The following SOX5 variants were observed in gnomAD, a reference collection of about 807,000 sequenced individuals.
SOX5 encodes the protein SRY-box transcription factor 5.
SOX5 carries 9 observed loss-of-function variants against 92.0 expected under a neutral mutation model. That is an observed-to-expected ratio of 0.10 (90% CI 0.06 to 0.17). The LOEUF (loss-of-function observed/expected upper bound fraction) is 0.17, where lower values mean the gene tolerates loss of function less well. Among genes scored for constraint, SOX5 ranks in the 10% least tolerant of loss-of-function variants. The pLI, the probability that SOX5 is intolerant of heterozygous loss-of-function variation, is 1.00. For missense variants in SOX5, 642 were observed against 944.5 expected, an observed-to-expected ratio of 0.68 and a Z score of 4.20; for synonymous variants, 344 against 336.3, an observed-to-expected ratio of 1.02 and a Z score of -0.25.
intron 7 of SOX5, among the ~76,000 whole-genome samples, chr12:23,642,646 G>A (rs148403868): frequency 1.3e-5 from 2 of 152,254 alleles, no homozygotes; most frequent in African/African-American, 4.8e-5. Flanking sequence ...GATTATGTGT[G>A]ATTTCTGTAA....
intron 1 of SOX5, among the ~76,000 whole-genome samples, chr12:24,486,579 C>T (rs1276092992): frequency 1.3e-5 from 2 of 152,190 alleles, no homozygotes; most frequent in Non-Finnish European, 2.9e-5. Flanking sequence ...CTCGATCTTT[C>T]TCAAGCCCCC....
intron 3 of SOX5, among the ~76,000 whole-genome samples, chr12:24,213,935 C>A (rs1419510166): frequency 6.6e-6 from 1 of 151,236 alleles, no homozygotes; most frequent in Non-Finnish European, 1.5e-5. Flanking sequence ...TTTTTATAGT[C>A]CATGATAGTT....
intron 3 of SOX5, among the ~76,000 whole-genome samples, chr12:24,235,432 T>C (rs1257214104): frequency 6.6e-6 from 1 of 152,218 alleles, no homozygotes; most frequent in Admixed American, 6.5e-5. Context: ...GTTTCTGGTT[T>C]ATTCAAAACT....
intron 4 of SOX5, among the ~76,000 whole-genome samples, chr12:23,990,273 A>C (rs902915174): frequency 2.4e-4 from 37 of 152,174 alleles, no homozygotes; most frequent in African/African-American, 8.9e-4. Context: ...AAAATGGATC[A>C]CAGAATAATG....
intron 3 of SOX5, among the ~76,000 whole-genome samples, chr12:23,780,600 G>A (rs1041045457): frequency 6.6e-6 from 1 of 152,004 alleles, no homozygotes; most frequent in Non-Finnish European, 1.5e-5. Flanking sequence ...TAAACCAGTA[G>A]ATTTAGAACA....
intron 4 of SOX5, among the ~76,000 whole-genome samples, chr12:24,029,562 A>C (rs1955252753): frequency 6.7e-6 from 1 of 148,900 alleles, no homozygotes; most frequent in South Asian, 2.1e-4. Flanking sequence ...GGCATAAACC[A>C]CTGAGCCCAG....
At chr12:23,906,652 G>A (rs1245041845) in intron 1 of SOX5, among the ~76,000 whole-genome samples, 3 of 152,142 alleles carry the variant, frequency 2.0e-5, no homozygotes, top group African/African-American at 7.2e-5. Context: ...ACAGGATTGT[G>A]GGGAAGAATC....
At chr12:23,976,406 CAAA>C (rs869250917) in intron 4 of SOX5, among the ~76,000 whole-genome samples, 30 of 37,874 alleles carry the variant, frequency 7.9e-4, no homozygotes, top group East Asian at 2.8e-3. Flanking sequence ...AACAAAAAAA[CAAA>C]AAAAAAAAAA....
At chr12:23,809,541 A>T (rs2095839849) in intron 3 of SOX5, among the ~76,000 whole-genome samples, 1 of 151,694 alleles carries the variant, frequency 6.6e-6, no homozygotes, top group African/African-American at 2.4e-5. Flanking sequence ...TTCATTAATG[A>T]TCTGTTTATA....
At chr12:24,208,531 T>G (rs1958256359) in intron 4 of SOX5, among the ~76,000 whole-genome samples, 1 of 152,226 alleles carries the variant, frequency 6.6e-6, no homozygotes, top group African/African-American at 2.4e-5. Context: ...ACATCTCTGC[T>G]GGGCAAAATC....
At position 23,927,340 on chromosome 12, in the gene SOX5, G is replaced by A. The variant is rs1940242399; in HGVS notation, c.38+22224C>T. ...GAAGAATTCATACCATTTTACTAAA[G>A]CCACTCCTCATTCTTCATCACTATC... On this transcript the variant is annotated intron_variant, in intron 1 of 14. Coordinates refer to ENST00000451604, the MANE Select transcript of SOX5 (RefSeq NM_006940.6). Among the ~76,000 whole-genome samples the A allele has an allele frequency of 3.3e-5, 5 of 152,084 alleles. No homozygotes were observed. In the South Asian group the frequency reaches 1.0e-3, roughly 32 times the overall value.
At chr12:24,451,309 AC>A (rs1455660908) in intron 1 of SOX5, among the ~76,000 whole-genome samples, 2 of 152,178 alleles carry the variant, frequency 1.3e-5, no homozygotes, top group Non-Finnish European at 2.9e-5. Context: ...ATGGATATAT[AC>A]CCAGCAGTGG....
At chr12:23,944,031 T>C (rs1944130636) in intron 1 of SOX5, 1 of 152,140 alleles carries the variant, frequency 6.6e-6, no homozygotes, top group Non-Finnish European at 1.5e-5. Flanking sequence ...GGTTCATATT[T>C]GGGTTTTTTG....
chr12:23,941,523 A>G (rs537366424), intron 1 of SOX5, among the ~76,000 whole-genome samples: 1 of 151,648 alleles, frequency 6.6e-6, no homozygotes, highest in Admixed American at 6.6e-5. Context: ...TTGTAGTTAT[A>G]TTTAGGACTG....
At chr12:24,358,287 G>T (rs74473776) in intron 2 of SOX5, among the ~76,000 whole-genome samples, 9,820 of 152,216 alleles carry the variant, frequency 0.065, 391 homozygotes, top group Non-Finnish European at 0.097. Context: ...AGGATCGAAT[G>T]ACTATTTTTA....
intron 5 of SOX5, among the ~76,000 whole-genome samples, chr12:23,736,214 C>T (rs574913269): frequency 5.1e-4 from 78 of 151,714 alleles, no homozygotes; most frequent in Non-Finnish European, 7.7e-4. Context: ...GTAATCTCAG[C>T]ATTTCGGGAG....
intron 1 of SOX5, among the ~76,000 whole-genome samples, chr12:24,515,916 T>G (rs1949739616): frequency 6.6e-6 from 1 of 152,230 alleles, no homozygotes; most frequent in Non-Finnish European, 1.5e-5. Flanking sequence ...AATGTGCTCT[T>G]ATTCTATTCT....
intron 1 of SOX5, among the ~76,000 whole-genome samples, chr12:24,540,929 C>A (rs1239181732): frequency 6.6e-6 from 1 of 152,106 alleles, no homozygotes. Context: ...TGAAACTAAC[C>A]ATAAGTTGCA....
Position 23,575,733 on chromosome 12 carries a change from T to A in SOX5, c.1270A>T (p.Ser424Cys), listed in dbSNP as rs1321700507. The A allele has an allele frequency of 6.2e-7, 1 of 1,614,112 alleles. No individual in the cohort carries two copies. The highest frequency in any genetic ancestry group is 1.1e-5 in the South Asian group (1 of 91,070). The stretch of plus-strand genomic sequence containing the variant: ...GAGGCTTTGAGGGGGCCTGCCCCAC[T>A]GTTTATTCTCAGAGCTGGCATATGG... ...SPHMPALRINSGAGPLKASVP... is the reference protein window; with the variant it reads ...SPHMPALRINCGAGPLKASVP... The change falls in exon 10 of 15, where the codon AGT becomes TGT. Residue 424 changes from serine to cysteine, a missense_variant. Transcript: ENST00000451604.
Sources: gnomAD v4.1 joint callset for allele counts (sites outside exome capture counted in the v4.1 genomes callset) on GRCh38, gnomAD v4.1.1 for gene constraint, MANE v1.5 for transcripts, NCBI Gene and HGNC (gene_info 2026-07-23, HGNC 2026-07-21) for gene names.